Variants in SERINC5 observed in about 807,000 individuals in gnomAD.
The protein encoded by SERINC5 is serine incorporator 5.
SERINC5 carries 41 observed loss-of-function variants against 63.1 expected under a neutral mutation model. The ratio of observed to expected loss-of-function variants is 0.65; its 90% CI spans 0.51 to 0.84. The LOEUF is 0.84. Among genes scored for constraint, SERINC5 ranks in the 40% least tolerant of loss-of-function variants. The pLI is 0.00. For missense variants in SERINC5, 523 were observed against 573.0 expected (o/e 0.91, Z 0.89); for synonymous variants, 222 against 215.2 (o/e 1.03, Z -0.28).
chr5:80,251,504 C>A (rs867810914), intron 1 of SERINC5, among the ~76,000 whole-genome samples: 1 of 151,838 alleles, frequency 6.6e-6, no homozygotes, highest in Admixed American at 6.6e-5. Context: ...CAGAGGCGGG[C>A]GGGTCACCTG....
intron 1 of SERINC5, among the ~76,000 whole-genome samples, chr5:80,251,884 C>A (rs1448583625): frequency 2.2e-5 from 1 of 44,730 alleles, no homozygotes. Context: ...GTGAACTTTT[C>A]AGGCAAGAAG....
chr5:80,235,102 G>A (rs1474368688), intron 1 of SERINC5, among the ~76,000 whole-genome samples: 1 of 152,046 alleles, frequency 6.6e-6, no homozygotes, highest in Non-Finnish European at 1.5e-5. Context: ...CCTCCTCTGG[G>A]CCCTTGGGAA....
At position 80,236,972 on chromosome 5, in the gene SERINC5, C is replaced by T. The variant is rs145637003; in HGVS notation, c.27+18924G>A. Among the ~76,000 whole-genome samples, 76 of 152,240 alleles carry T rather than the reference C, an allele frequency of 5.0e-4. 2 individuals carry two copies. In the East Asian group the frequency reaches 0.014, roughly 29 times the overall value. On this transcript the variant is annotated intron_variant, in intron 1 of 11. Coordinates refer to ENST00000507668, the MANE Select transcript of SERINC5 (RefSeq NM_001174072.3). ...TCAAGCGATTCTCCTGCTTCAACCT[C>T]CCGCCATCATGCCGGGCTAACTTTT...
At position 80,141,333 on chromosome 5, in the gene SERINC5, G is replaced by A. The variant is rs921983215; in HGVS notation, c.*2330C>T. ...TGGGCTGGCTCCAGAAGGAAGCGAC[G>A]AGGGCCTTCTACCGGCCACACTCCC... On this transcript the variant is annotated 3_prime_UTR_variant, in exon 12 of 12. Transcript: ENST00000507668. 8.1e-6 allele frequency: 8 copies of A among 985,426 alleles called. No individual in the cohort carries two copies. The highest frequency in any genetic ancestry group is 4.7e-5 in the South Asian group (1 of 21,290). 61.0% of individuals were successfully genotyped at this position (985,426 alleles called of 1,614,324 possible). A position where few individuals can be genotyped will look rare whatever the true frequency, so the allele number is the denominator to read the frequency against.
intron 1 of SERINC5, among the ~76,000 whole-genome samples, chr5:80,248,110 T>C (rs1031831361): frequency 6.6e-6 from 1 of 152,116 alleles, no homozygotes; most frequent in Admixed American, 6.6e-5. Flanking sequence ...CCTCAGCCTC[T>C]GAAAGTGCTG....
At chr5:80,255,617 C>T (rs561237960) in intron 1 of SERINC5, among the ~76,000 whole-genome samples, 1 of 152,368 alleles carries the variant, frequency 6.6e-6, no homozygotes, top group African/African-American at 2.4e-5. Flanking sequence ...AGTCGGGATC[C>T]TCCGCCCGAG....
At chr5:80,207,844 G>T (rs1384362135) in intron 1 of SERINC5, among the ~76,000 whole-genome samples, 1 of 152,200 alleles carries the variant, frequency 6.6e-6, no homozygotes, top group Non-Finnish European at 1.5e-5. Flanking sequence ...TATATACCAG[G>T]TGGAAATTCA....
chr5:80,220,656 C>A (rs1446161644), intron 1 of SERINC5, among the ~76,000 whole-genome samples: 1 of 152,128 alleles, frequency 6.6e-6, no homozygotes, highest in African/African-American at 2.4e-5. Context: ...GGCCAGGACA[C>A]ACCTGATTGA....
At chr5:80,209,749 A>AG in intron 1 of SERINC5, among the ~76,000 whole-genome samples, 1 of 152,122 alleles carries the variant, frequency 6.6e-6, no homozygotes, top group Non-Finnish European at 1.5e-5. Context: ...TGACTACTTG[A>AG]GAAAAGTAAA....
intron 1 of SERINC5, among the ~76,000 whole-genome samples, chr5:80,207,792 T>C (rs17199778): frequency 0.097 from 14,779 of 152,272 alleles, 754 homozygotes; most frequent in East Asian, 0.16. Context: ...ACTATGCTAA[T>C]AATTAAGGTT....
intron 1 of SERINC5, among the ~76,000 whole-genome samples, chr5:80,250,672 A>G (rs1349651591): frequency 1.3e-5 from 2 of 152,332 alleles, no homozygotes; most frequent in East Asian, 3.9e-4. Context: ...TTTTTAAATA[A>G]GTCTTCTTCA....
chr5:80,203,538 A>G (rs923324503), intron 1 of SERINC5, among the ~76,000 whole-genome samples: 3 of 151,970 alleles, frequency 2.0e-5, no homozygotes, highest in Non-Finnish European at 2.9e-5. Flanking sequence ...TTAGCCAGGC[A>G]TGGTGGCACA....
chr5:80,249,300 G>A (rs989931221), intron 1 of SERINC5, among the ~76,000 whole-genome samples: 1 of 150,358 alleles, frequency 6.7e-6, no homozygotes, highest in Non-Finnish European at 1.5e-5. Flanking sequence ...GGGCAACACA[G>A]CGAGACTCTG....
At chr5:80,130,719 T>G (rs56055328) in intron 11 of SERINC5, among the ~76,000 whole-genome samples, 6,135 of 152,320 alleles carry the variant, frequency 0.04, 373 homozygotes, top group African/African-American at 0.13. Context: ...CACAAGGCAC[T>G]ACGATGTCTT....
At chr5:80,121,050 G>A (rs1211844490) in intron 11 of SERINC5, among the ~76,000 whole-genome samples, 1 of 151,950 alleles carries the variant, frequency 6.6e-6, no homozygotes, top group Non-Finnish European at 1.5e-5. Flanking sequence ...ACCACACCTG[G>A]CTAATTTTAT....
chr5:80,143,637 C>A lies in SERINC5; in HGVS notation c.*26G>T. On this transcript the variant is annotated 3_prime_UTR_variant, in exon 12 of 12. Transcript: ENST00000507668. Reference sequence around the variant, plus strand: ...TGGCACTTTCCAGGCTGTAGGCCCACAAAGCCCAGGGGACCGCCGATATCA... The same window carrying A: ...TGGCACTTTCCAGGCTGTAGGCCCAAAAAGCCCAGGGGACCGCCGATATCA... 1 of 1,533,064 alleles carries A rather than the reference C, an allele frequency of 6.5e-7. No individual in the cohort carries two copies. Among genetic ancestry groups the A allele is most frequent in the Non-Finnish European group, 8.7e-7 (1 of 1,144,846 alleles). 95.0% of individuals were successfully genotyped at this position (1,533,064 alleles called of 1,614,324 possible).
chr5:80,145,043 T>C (rs1255117795), intron 11 of SERINC5, among the ~76,000 whole-genome samples: 1 of 150,952 alleles, frequency 6.6e-6, no homozygotes, highest in Non-Finnish European at 1.5e-5. Context: ...ATGACATTTA[T>C]GTTAAAAAAA....
rs1749655022 is a variant in SERINC5 at position 80,198,746 on chromosome 5, A to G, written c.195+4140T>C. The G allele has an allele frequency of 1.7e-5, 17 of 979,932 alleles. No individual in the cohort carries two copies. The South Asian group carries it at 6.1e-4, about 35-fold the overall frequency. The allele number at this position is 979,932 out of a possible 1,614,324, so 60.7% of individuals were successfully genotyped here. ...GCCTCTCTTCTGTAGGCCACGAAAC[A>G]AGCTGACTTTGTGGCCAGATGGCCA... On this transcript the variant is annotated intron_variant, in intron 2 of 11. Transcript: ENST00000507668.
chr5:80,171,985 T>C (rs1011582686), intron 5 of SERINC5, among the ~76,000 whole-genome samples: 1 of 152,182 alleles, frequency 6.6e-6, no homozygotes, highest in African/African-American at 2.4e-5. Context: ...ATAACATATA[T>C]GTATCAAAAC....
Sources: gnomAD v4.1 joint callset for allele counts (sites outside exome capture counted in the v4.1 genomes callset) on GRCh38, gnomAD v4.1.1 for gene constraint, MANE v1.5 for transcripts, NCBI Gene and HGNC (gene_info 2026-07-23, HGNC 2026-07-21) for gene names.